The following NSMCE2 variants were observed in gnomAD, a reference collection of about 807,000 sequenced individuals.
NSMCE2 encodes NSE2 SUMO ligase component of SMC5/6 complex.
In NSMCE2, 24 loss-of-function variants were observed where a neutral mutation model predicts 23.8. The ratio of observed to expected loss-of-function variants is 1.01; its 90% CI spans 0.73 to 1.42. The LOEUF (loss-of-function observed/expected upper bound fraction) is 1.42. Ranked by LOEUF, NSMCE2 falls within the 40% of genes most tolerant of loss-of-function variation. NSMCE2 has a pLI of 0.00. For missense variants in NSMCE2, 284 were observed against 296.5 expected (o/e 0.96, Z 0.31); for synonymous variants, 92 against 94.1 (o/e 0.98, Z 0.13).
chr8:125,351,171 CT>C (rs1277700808), intron 5 of NSMCE2, among the ~76,000 whole-genome samples: 3 of 152,118 alleles, frequency 2.0e-5, no homozygotes, highest in African/African-American at 7.2e-5. Context: ...CTGCTTGGCT[CT>C]TCCCTGAGTC....
intron 4 of NSMCE2, among the ~76,000 whole-genome samples, chr8:125,171,016 A>T (rs1405162608): frequency 6.6e-6 from 1 of 152,128 alleles, no homozygotes; most frequent in African/African-American, 2.4e-5. Context: ...GATTAATACT[A>T]CTGACCTCAT....
At chr8:125,099,441 G>A (rs890493019) in intron 1 of NSMCE2, among the ~76,000 whole-genome samples, 1 of 152,080 alleles carries the variant, frequency 6.6e-6, no homozygotes, top group African/African-American at 2.4e-5. Context: ...GGCTGTATTT[G>A]ATTTGGGTAT....
intron 5 of NSMCE2, among the ~76,000 whole-genome samples, chr8:125,297,911 A>T (rs1163164757): frequency 6.6e-6 from 1 of 152,222 alleles, no homozygotes; most frequent in Admixed American, 6.5e-5. Flanking sequence ...CATACACTTC[A>T]TAATATTAAT....
chr8:125,156,221 A>T (rs1821299629), intron 4 of NSMCE2: 1 of 187,214 alleles, frequency 5.3e-6, no homozygotes, highest in Admixed American at 5.6e-5. Flanking sequence ...TTTTATTATG[A>T]TCCTTAGTTG....
chr8:125,176,719 C>A (rs149479283), intron 4 of NSMCE2, among the ~76,000 whole-genome samples: 48 of 152,326 alleles, frequency 3.2e-4, no homozygotes, highest in African/African-American at 1.1e-3. Context: ...TACCTCACAG[C>A]GACACTATAC....
At chr8:125,196,629 C>A (rs111752833) in intron 5 of NSMCE2, among the ~76,000 whole-genome samples, 38 of 152,252 alleles carry the variant, frequency 2.5e-4, no homozygotes, top group African/African-American at 8.4e-4. Flanking sequence ...GGTTCCAAGT[C>A]TTTGCTATTG....
intron 5 of NSMCE2, among the ~76,000 whole-genome samples, chr8:125,237,154 C>G (rs905677044): frequency 1.3e-5 from 2 of 152,110 alleles, no homozygotes; most frequent in Non-Finnish European, 2.9e-5. Flanking sequence ...ATGTGGTGCC[C>G]CTCTTGATCC....
At chr8:125,312,351 C>G (rs1029502211) in intron 5 of NSMCE2, among the ~76,000 whole-genome samples, 2 of 152,144 alleles carry the variant, frequency 1.3e-5, no homozygotes, top group Non-Finnish European at 2.9e-5. Flanking sequence ...TGTGGCCGGG[C>G]ATGGTGGCTC....
At chr8:125,112,551 T>C (rs1455076665) in intron 3 of NSMCE2, among the ~76,000 whole-genome samples, 1 of 150,338 alleles carries the variant, frequency 6.7e-6, no homozygotes, top group Non-Finnish European at 1.5e-5. Flanking sequence ...TGGAATATTA[T>C]TCAGTCTTAA....
chr8:125,244,629 A>G lies in NSMCE2; in HGVS notation c.418+62373A>G, dbSNP rs543967935. 9.2e-5 allele frequency among the ~76,000 whole-genome samples: 14 copies of G among 152,328 alleles called. No individual in the cohort carries two copies. In the East Asian group the frequency reaches 1.7e-3, roughly 19 times the overall value. ...AAAACACATACCAGACAACAAACTA[A>G]AAAATTTGGGGTGCTACTGTTGAAT... On this transcript the variant is annotated intron_variant, in intron 5 of 7. Coordinates refer to ENST00000287437, the MANE Select transcript of NSMCE2 (RefSeq NM_173685.4).
intron 5 of NSMCE2, among the ~76,000 whole-genome samples, chr8:125,255,964 T>TA (rs998079793): frequency 4.6e-5 from 7 of 152,030 alleles, no homozygotes; most frequent in African/African-American, 1.7e-4. Context: ...TAGGTGGTTT[T>TA]AAAAAGAAGT....
At chr8:125,121,385 T>A (rs940303301) in intron 3 of NSMCE2, among the ~76,000 whole-genome samples, 2 of 152,208 alleles carry the variant, frequency 1.3e-5, no homozygotes, top group Non-Finnish European at 2.9e-5. Flanking sequence ...AACATTTATT[T>A]GAGGTTGGTT....
intron 3 of NSMCE2, among the ~76,000 whole-genome samples, chr8:125,116,865 T>G (rs1264597191): frequency 2.0e-5 from 3 of 152,074 alleles, no homozygotes; most frequent in Non-Finnish European, 4.4e-5. Context: ...TTGATCCAGT[T>G]TTTTTACTTA....
intron 5 of NSMCE2, among the ~76,000 whole-genome samples, chr8:125,212,327 A>C (rs1343865343): frequency 1.3e-5 from 2 of 152,138 alleles, no homozygotes; most frequent in Admixed American, 1.3e-4. Context: ...TGGGTGAGTT[A>C]GGTGGGAAGA....
intron 5 of NSMCE2, among the ~76,000 whole-genome samples, chr8:125,199,359 C>T (rs1389558274): frequency 2.6e-5 from 4 of 152,194 alleles, no homozygotes; most frequent in Non-Finnish European, 4.4e-5. Context: ...AAATGCATCC[C>T]AGAGATTCTG....
intron 5 of NSMCE2, among the ~76,000 whole-genome samples, chr8:125,257,709 T>G (rs1432338432): frequency 1.3e-5 from 2 of 152,086 alleles, no homozygotes; most frequent in East Asian, 3.9e-4. Flanking sequence ...AATTTTTTTG[T>G]ATTTTTAGTA....
chr8:125,134,515 T>G (rs909631385), intron 3 of NSMCE2, among the ~76,000 whole-genome samples: 2 of 152,162 alleles, frequency 1.3e-5, no homozygotes, highest in African/African-American at 4.8e-5. Flanking sequence ...TTTCTAATGA[T>G]CATTAAAATT....
chr8:125,149,349 A>C (rs1481769474), intron 3 of NSMCE2, among the ~76,000 whole-genome samples: 1 of 152,210 alleles, frequency 6.6e-6, no homozygotes, highest in Non-Finnish European at 1.5e-5. Context: ...TAAAAGCCAA[A>C]TGTGAATGGA....
rs78163516 is a variant in NSMCE2, at chr8:125,204,726, C to T, written c.418+22470C>T. 6.0e-3 allele frequency among the ~76,000 whole-genome samples: 910 copies of T among 152,262 alleles called. 9 individuals carry two copies. The highest frequency in any genetic ancestry group is 0.021 in the African/African-American group (852 of 41,540). ...AAGAATTATGCCATTCAATAAGATA[C>T]GCTGTCTAGTCCCATTCCTAAAAGT... On this transcript the variant is annotated intron_variant, in intron 5 of 7. Transcript: ENST00000287437.
Sources: gnomAD v4.1 joint callset for allele counts (sites outside exome capture counted in the v4.1 genomes callset) on GRCh38, gnomAD v4.1.1 for gene constraint, MANE v1.5 for transcripts, NCBI Gene and HGNC (gene_info 2026-07-23, HGNC 2026-07-21) for gene names.